Variants in PCGF5 observed in about 807,000 individuals in gnomAD.
PCGF5 encodes the protein polycomb group RING finger protein 5.
Under a neutral mutation model 44.3 loss-of-function variants are expected in PCGF5, and 9 were observed. That is an observed-to-expected ratio of 0.20 (90% CI 0.12 to 0.35). PCGF5 has a LOEUF of 0.35. Among genes scored for constraint, PCGF5 ranks in the 10% least tolerant of loss-of-function variants. The probability of loss-of-function intolerance (pLI) is 1.00; values close to 1 mark genes in which losing one functional copy is unlikely to be tolerated. For missense variants in PCGF5, 146 were observed against 305.3 expected, an observed-to-expected ratio of 0.48 and a Z score of 3.89; for synonymous variants, 95 against 102.5, an observed-to-expected ratio of 0.93 and a Z score of 0.44.
intron 5 of PCGF5, among the ~76,000 whole-genome samples, chr10:91,250,773 A>G (rs1015916971): frequency 6.6e-6 from 1 of 151,862 alleles, no homozygotes; most frequent in Non-Finnish European, 1.5e-5. Context: ...TAATAGCTAT[A>G]TACATGTTAA....
chr10:91,247,974 G>A (rs1409836196), intron 3 of PCGF5, among the ~76,000 whole-genome samples: 2 of 152,160 alleles, frequency 1.3e-5, no homozygotes, highest in Non-Finnish European at 2.9e-5. Flanking sequence ...TGGGTAATCT[G>A]CTGTGCTGAT....
rs764427493 is a variant in PCGF5 at position 91,248,464 on chromosome 10, T to C, written c.210-41T>C. 2.0e-6 allele frequency: 3 copies of C among 1,511,138 alleles called. No homozygotes were observed. In the South Asian group the frequency reaches 3.4e-5, roughly 17 times the overall value. The allele number at this position is 1,511,138 out of a possible 1,614,324, so 93.6% of individuals were successfully genotyped here. On this transcript the variant is annotated intron_variant, in intron 3 of 9. Transcript: ENST00000336126. Reference sequence around the variant, plus strand: ...AGACTATTTACATGTCAGATCTTGGTGTCTTCATTGTTAGTATTTTCTTTC... The same window carrying C: ...AGACTATTTACATGTCAGATCTTGGCGTCTTCATTGTTAGTATTTTCTTTC...
In PCGF5 at chr10:91,278,375, G is replaced by C; in HGVS notation, c.*59G>C. 2.1e-6 allele frequency: 3 copies of C among 1,440,130 alleles called. No homozygotes were observed. Among genetic ancestry groups the C allele is most frequent in the Non-Finnish European group, 2.9e-6 (3 of 1,021,878 alleles). 89.2% of individuals were successfully genotyped at this position (1,440,130 alleles called of 1,614,324 possible). On this transcript the variant is annotated 3_prime_UTR_variant, in exon 10 of 10. Transcript: ENST00000336126. ...TGCACTATTTGTTTACTCGTCAACA[G>C]ATTGCACAGTTAACGGTGTGTGGAC...
At chr10:91,250,003 G>A (rs1182615789) in intron 5 of PCGF5, among the ~76,000 whole-genome samples, 3 of 152,050 alleles carry the variant, frequency 2.0e-5, no homozygotes, top group African/African-American at 7.2e-5. Context: ...TACGTGGTAG[G>A]TTTACTCTAT....
intron 1 of PCGF5, among the ~76,000 whole-genome samples, chr10:91,207,718 G>A (rs904142750): frequency 6.6e-6 from 1 of 152,012 alleles, no homozygotes; most frequent in African/African-American, 2.4e-5. Context: ...TGTCTTTCAT[G>A]ACATTAATAT....
chr10:91,206,845 T>C (rs28709025), intron 1 of PCGF5, among the ~76,000 whole-genome samples: 179 of 152,340 alleles, frequency 1.2e-3, no homozygotes, highest in African/African-American at 4.1e-3. Context: ...GTCCCTTACC[T>C]CATTCAGATC....
Position 91,261,320 on chromosome 10 carries a change from C to CT in PCGF5, c.475-3dup. On this transcript the variant is annotated splice_polypyrimidine_tract_variant and splice_region_variant and intron_variant, in intron 6 of 9. Transcript: ENST00000336126. ...CATTTTAACTGGTAATCTTTATTTC[C>CT]TTTAGGGTTTAATGAAGAAATTCAT... The CT allele has an allele frequency of 6.7e-7, 1 of 1,495,240 alleles. No individual in the cohort carries two copies. The highest frequency in any genetic ancestry group is 9.0e-7 in the Non-Finnish European group (1 of 1,110,966). The allele number at this position is 1,495,240 out of a possible 1,614,324, so 92.6% of individuals were successfully genotyped here.
At chr10:91,227,696 A>G (rs1844884407) in intron 2 of PCGF5, 2 of 1,050,388 alleles carry the variant, frequency 1.9e-6, no homozygotes, top group Non-Finnish European at 2.3e-6. Flanking sequence ...TCCTAAAGGT[A>G]TCCCGTTGAC....
At chr10:91,198,865 T>C (rs1844194622) in intron 1 of PCGF5, among the ~76,000 whole-genome samples, 1 of 152,182 alleles carries the variant, frequency 6.6e-6, no homozygotes, top group Non-Finnish European at 1.5e-5. Flanking sequence ...TGGCTGAGTG[T>C]GTTTCGTATT....
intron 8 of PCGF5, among the ~76,000 whole-genome samples, chr10:91,268,606 T>C (rs1445785099): frequency 6.6e-6 from 1 of 152,190 alleles, no homozygotes; most frequent in African/African-American, 2.4e-5. Context: ...CCGTGGAGTC[T>C]TTCATCTCTG....
intron 9 of PCGF5, among the ~76,000 whole-genome samples, chr10:91,272,460 T>A (rs1251304734): frequency 6.6e-6 from 1 of 150,792 alleles, no homozygotes; most frequent in Non-Finnish European, 1.5e-5. Flanking sequence ...GTCTGGGCAA[T>A]ATAGCAAGAC....
intron 3 of PCGF5, among the ~76,000 whole-genome samples, chr10:91,240,911 G>A (rs961869789): frequency 2.0e-5 from 3 of 151,520 alleles, no homozygotes; most frequent in African/African-American, 7.3e-5. Flanking sequence ...AGAACTCATA[G>A]AAAGACTAAT....
intron 1 of PCGF5, among the ~76,000 whole-genome samples, chr10:91,166,842 T>G (rs1348869822): frequency 6.6e-6 from 1 of 152,184 alleles, no homozygotes; most frequent in Non-Finnish European, 1.5e-5. Context: ...AGATAATGTA[T>G]ATATATAATG....
At chr10:91,261,926 A>T (rs2133416449) in intron 7 of PCGF5, among the ~76,000 whole-genome samples, 1 of 152,376 alleles carries the variant, frequency 6.6e-6, no homozygotes, top group African/African-American at 2.4e-5. Context: ...GTAATTTACC[A>T]GTTTATTTAC....
chr10:91,260,574 C>G (rs373541718), intron 6 of PCGF5, among the ~76,000 whole-genome samples: 1 of 151,872 alleles, frequency 6.6e-6, no homozygotes, highest in Non-Finnish European at 1.5e-5. Flanking sequence ...TGTCCAACAA[C>G]GATAAACTGG....
chr10:91,199,518 C>A (rs1003392282), intron 1 of PCGF5, among the ~76,000 whole-genome samples: 4 of 152,248 alleles, frequency 2.6e-5, no homozygotes, highest in South Asian at 2.1e-4. Flanking sequence ...AAGAGGCCAA[C>A]AACATCCCCA....
intron 2 of PCGF5, 43 bp from the exon 3 acceptor site, chr10:91,240,441 G>T: frequency 1.6e-6 from 2 of 1,283,582 alleles, no homozygotes; most frequent in Non-Finnish European, 2.2e-6. Flanking sequence ...TTAAATGAGC[G>T]TTCATATGAT....
intron 8 of PCGF5, 89 bp downstream of exon 8, chr10:91,264,609 C>T (rs768579079): frequency 1.5e-5 from 15 of 1,006,870 alleles, no homozygotes; most frequent in Non-Finnish European, 2.0e-5. Context: ...CTAAAAAAGA[C>T]AAACTAGCTT....
At chr10:91,263,047 G>A (rs963444326) in intron 7 of PCGF5, among the ~76,000 whole-genome samples, 8 of 152,166 alleles carry the variant, frequency 5.3e-5, no homozygotes, top group African/African-American at 1.7e-4. Context: ...GATTCAGTAC[G>A]CTGACACCTC....
Sources: allele counts gnomAD v4.1 joint callset (sites outside exome capture counted in the v4.1 genomes callset), GRCh38; gene constraint gnomAD v4.1.1; transcripts MANE v1.5; gene names NCBI Gene and HGNC (gene_info 2026-07-23, HGNC 2026-07-21).